The following P2RY8 variants were observed in gnomAD, a reference collection of about 807,000 sequenced individuals.
P2RY8 encodes the protein S-geranylgeranyl-glutathione receptor P2RY8.
In P2RY8, 6 loss-of-function variants were observed where a neutral mutation model predicts 10.0. That is an observed-to-expected ratio of 0.60 (90% confidence interval 0.33 to 1.19). The LOEUF is 1.19. Among genes scored for constraint, P2RY8 ranks in the 50% most tolerant of loss-of-function variants. The probability of loss-of-function intolerance (pLI) is 0.04; values close to 1 mark genes in which losing one functional copy is unlikely to be tolerated. For synonymous variants in P2RY8, 276 were observed against 252.5 expected, an observed-to-expected ratio of 1.09 and a Z score of -0.88; for missense variants, 456 against 542.0, an observed-to-expected ratio of 0.84 and a Z score of 1.58.
intron 1 of P2RY8, among the ~76,000 whole-genome samples, chrX:1,470,619 A>G (rs2091772409): frequency 6.6e-6 from 1 of 151,950 alleles, no homozygotes. Flanking sequence ...GTCTCTGTGG[A>G]TCTGCCTATT....
At chrX:1,534,160 A>T (rs2092506788) in intron 1 of P2RY8, among the ~76,000 whole-genome samples, 1 of 135,550 alleles carries the variant, frequency 7.4e-6, no homozygotes, top group Non-Finnish European at 1.5e-5. Flanking sequence ...ATTTATATAC[A>T]ATATATTTAC....
intron 1 of P2RY8, among the ~76,000 whole-genome samples, chrX:1,479,150 T>C (rs1402593624): frequency 4.6e-5 from 7 of 152,250 alleles, no homozygotes; most frequent in Non-Finnish European, 7.3e-5. Flanking sequence ...TATTCGTGTT[T>C]GTCTTTGGAT....
chrX:1,500,024 A>G (rs2092160692), intron 1 of P2RY8, among the ~76,000 whole-genome samples: 1 of 40,778 alleles, frequency 2.5e-5, no homozygotes, highest in Non-Finnish European at 1.2e-4. Flanking sequence ...ATGCCCAGCT[A>G]ATTTTTTGTA....
chrX:1,469,791 C>T (rs1307787399), intron 1 of P2RY8, among the ~76,000 whole-genome samples: 3 of 151,888 alleles, frequency 2.0e-5, no homozygotes, highest in Admixed American at 6.6e-5. Context: ...CCCAGCTACT[C>T]GGGAGGCTGA....
At chrX:1,492,171 G>A (rs1320127460) in intron 1 of P2RY8, among the ~76,000 whole-genome samples, 6 of 152,026 alleles carry the variant, frequency 3.9e-5, no homozygotes, top group Non-Finnish European at 2.9e-5. Context: ...CTGAGGATAG[G>A]GGGGTGTGGT....
In P2RY8 at chrX:1,464,493, C is replaced by G. The variant is rs1409926526; in HGVS notation, c.*986G>C. The G allele has an allele frequency of 1.3e-5, 3 of 233,404 alleles. No individual in the cohort carries two copies. Among genetic ancestry groups the G allele is most frequent in the Non-Finnish European group, 2.5e-5 (3 of 118,276 alleles). The allele number at this position is 233,404 out of a possible 1,614,324, so 14.5% of individuals were successfully genotyped here. A position where few individuals can be genotyped will look rare whatever the true frequency, so the allele number is the denominator to read the frequency against. Reference sequence around the variant, plus strand: ...TGGACTCCAGATGGACTTGCCATGGCTGAGGCTCTCCATGGGGTAAAAGGA... The same window carrying G: ...TGGACTCCAGATGGACTTGCCATGGGTGAGGCTCTCCATGGGGTAAAAGGA... On this transcript the variant is annotated 3_prime_UTR_variant, in exon 2 of 2. Coordinates refer to ENST00000381297, the MANE Select transcript of P2RY8 (RefSeq NM_178129.5).
chrX:1,527,603 C>G (rs2092447542), intron 1 of P2RY8, among the ~76,000 whole-genome samples: 1 of 152,050 alleles, frequency 6.6e-6, no homozygotes, highest in East Asian at 1.9e-4. Flanking sequence ...TCTGTTCATC[C>G]ATCCATCCAT....
chrX:1,493,455 A>AAGAG lies in P2RY8; in HGVS notation c.-24-26874_-24-26873insCTCT, dbSNP rs1161057349. 1.7e-4 allele frequency among the ~76,000 whole-genome samples: 11 copies of AAGAG among 64,948 alleles called. 1 individual carries two copies. Among genetic ancestry groups the AAGAG allele is most frequent in the African/African-American group, 3.6e-4 (8 of 22,058 alleles). 42.6% of individuals were successfully genotyped at this position (64,948 alleles called of 152,430 possible). Reference sequence around the variant, plus strand: ...GGGAGGGAAGGAGGAGGAAGGAGGAAGGAGGGAGGAGGGAGGGAGGGAAGG... The same window carrying AAGAG: ...GGGAGGGAAGGAGGAGGAAGGAGGAAAGAGGGAGGGAGGAGGGAGGGAGGGAAGG... On this transcript the variant is annotated intron_variant, in intron 1 of 1. Transcript: ENST00000381297.
rs3922991 is a variant in P2RY8, at chrX:1,482,408, C to T, written c.-24-15826G>A. On this transcript the variant is annotated intron_variant, in intron 1 of 1. Coordinates refer to ENST00000381297, the MANE Select transcript of P2RY8 (RefSeq NM_178129.5). ...TTAAGCACTTCTGCCGTTACTGAGC[C>T]ACAGTGCCCATGGTTTTAGCAGGTT... Among the ~76,000 whole-genome samples, 187 of 152,052 alleles carry T rather than the reference C, an allele frequency of 1.2e-3. 1 individual carries two copies. Among genetic ancestry groups the T allele is most frequent in the African/African-American group, 4.3e-3 (180 of 41,464 alleles).
chrX:1,467,064 A>G (rs1260301258), intron 1 of P2RY8, among the ~76,000 whole-genome samples: 5 of 152,016 alleles, frequency 3.3e-5, no homozygotes, highest in African/African-American at 1.2e-4. Context: ...GACGGAAACC[A>G]CAAAGCCACC....
In P2RY8 at chrX:1,463,935, A is replaced by C. The variant is rs184234977; in HGVS notation, c.*1544T>G. The C allele has an allele frequency of 1.7e-4, 40 of 233,308 alleles. No individual in the cohort carries two copies. The East Asian group carries it at 2.3e-3, about 14-fold the overall frequency. The allele number at this position is 233,308 out of a possible 1,614,324, so 14.5% of individuals were successfully genotyped here. A position where few individuals can be genotyped will look rare whatever the true frequency, so the allele number is the denominator to read the frequency against. ...ATTTGGAAAGACCCGATTTTCAAAC[A>C]TGGTCCCATCCTGATGTTCCAGGTG... On this transcript the variant is annotated 3_prime_UTR_variant, in exon 2 of 2. Coordinates refer to ENST00000381297, the MANE Select transcript of P2RY8 (RefSeq NM_178129.5).
Position 1,463,475 on chromosome X carries a change from C to T in P2RY8, c.*2004G>A, listed in dbSNP as rs746211835. ...GCCTCTGTCTCCACGTGTCCTCCTGCTCTGTGTCTGTGTCTCCTCTTCTGT... is the reference window on the plus strand; with the variant it reads ...GCCTCTGTCTCCACGTGTCCTCCTGTTCTGTGTCTGTGTCTCCTCTTCTGT... On this transcript the variant is annotated 3_prime_UTR_variant, in exon 2 of 2. Transcript: ENST00000381297. The T allele has an allele frequency of 8.7e-6, 2 of 229,264 alleles. No homozygotes were observed. The highest frequency in any genetic ancestry group is 3.7e-4 in the South Asian group (2 of 5,462). 14.2% of individuals were successfully genotyped at this position (229,264 alleles called of 1,614,324 possible). A position where few individuals can be genotyped will look rare whatever the true frequency, so the allele number is the denominator to read the frequency against.
chrX:1,530,281 C>CTATT (rs1397747375), intron 1 of P2RY8, among the ~76,000 whole-genome samples: 189 of 150,098 alleles, frequency 1.3e-3, no homozygotes, highest in Non-Finnish European at 1.8e-3. Context: ...ATCTATCTAT[C>CTATT]TATCTATCTA....
intron 1 of P2RY8, among the ~76,000 whole-genome samples, chrX:1,530,269 TTATCTATCTATCTATC>T (rs770613678): frequency 6.7e-5 from 10 of 148,402 alleles, no homozygotes; most frequent in South Asian, 2.2e-4. Context: ...ATCATCACCA[TTATCTATCTATCTATC>T]TATCTATCTA....
Position 1,463,564 on chromosome X carries a change from A to G in P2RY8, c.*1915T>C. ...AATAATCCAGCACAATCTCATCTTC[A>G]TATCCTTAAGTAATTACACATGCAA... On this transcript the variant is annotated 3_prime_UTR_variant, in exon 2 of 2. Coordinates refer to ENST00000381297, the MANE Select transcript of P2RY8 (RefSeq NM_178129.5). The G allele has an allele frequency of 4.3e-6, 1 of 232,774 alleles. No individual in the cohort carries two copies. Among genetic ancestry groups the G allele is most frequent in the East Asian group, 6.1e-5 (1 of 16,520 alleles). The allele number at this position is 232,774 out of a possible 1,614,324, so 14.4% of individuals were successfully genotyped here.
At chrX:1,472,858 AGTGGCTAGATG>A (rs2091810108) in intron 1 of P2RY8, among the ~76,000 whole-genome samples, 2 of 130,992 alleles carry the variant, frequency 1.5e-5, no homozygotes, top group African/African-American at 2.8e-5. Flanking sequence ...TGGATGGATG[AGTGGCTAGATG>A]GATGAGTGGG....
chrX:1,513,202 T>C (rs2092312823), intron 1 of P2RY8, among the ~76,000 whole-genome samples: 1 of 151,656 alleles, frequency 6.6e-6, no homozygotes, highest in Admixed American at 6.6e-5. Context: ...TATGAACTCA[T>C]CCTTTTTTAT....
chrX:1,515,123 C>G (rs769816792), intron 1 of P2RY8, among the ~76,000 whole-genome samples: 13 of 151,452 alleles, frequency 8.6e-5, no homozygotes, highest in South Asian at 2.1e-4. Context: ...GTTGCCCAGG[C>G]TGGTCTCGAA....
chrX:1,509,647 A>G (rs1156530872), intron 1 of P2RY8, among the ~76,000 whole-genome samples: 1 of 138,406 alleles, frequency 7.2e-6, no homozygotes, highest in African/African-American at 3.0e-5. Context: ...CTATTCATCC[A>G]TCTGTCTATC....
Sources: gnomAD v4.1 joint callset for allele counts (sites outside exome capture counted in the v4.1 genomes callset) on GRCh38, gnomAD v4.1.1 for gene constraint, MANE v1.5 for transcripts, NCBI Gene and HGNC (gene_info 2026-07-23, HGNC 2026-07-21) for gene names.